Variants in EPM2A observed in about 807,000 individuals in gnomAD.
EPM2A encodes EPM2A glucan phosphatase, laforin, also known as laforin.
Under a neutral mutation model 26.5 loss-of-function variants are expected in EPM2A, and 21 were observed. The ratio of observed to expected loss-of-function variants is 0.79; its 90% CI spans 0.56 to 1.14. EPM2A has a LOEUF of 1.14. Ranked by LOEUF, EPM2A falls within the 50% of genes most tolerant of loss-of-function variation. The probability of loss-of-function intolerance (pLI) is 0.00; values close to 1 mark genes in which losing one functional copy is unlikely to be tolerated. For missense variants in EPM2A, 458 were observed against 440.8 expected, an observed-to-expected ratio of 1.04 and a Z score of -0.35; for synonymous variants, 217 against 177.6, an observed-to-expected ratio of 1.22 and a Z score of -1.76.
intron 4 of EPM2A, among the ~76,000 whole-genome samples, chr6:145,444,782 T>G (rs573724234): frequency 6.6e-6 from 1 of 152,244 alleles, no homozygotes; most frequent in African/African-American, 2.4e-5. Flanking sequence ...ATTGGACATT[T>G]TGAATTATAA....
At chr6:145,540,815 G>A (rs1412334878) in intron 2 of EPM2A, among the ~76,000 whole-genome samples, 1 of 152,070 alleles carries the variant, frequency 6.6e-6, no homozygotes, top group Admixed American at 6.6e-5. Flanking sequence ...TTACTTAGAG[G>A]ACAGGTGTAT....
At position 145,393,613 on chromosome 6, in the gene EPM2A, G is replaced by A. The variant is rs187692850; in HGVS notation, c.556-9516C>T. 4.6e-5 allele frequency among the ~76,000 whole-genome samples: 7 copies of A among 151,962 alleles called. No homozygotes were observed. In the East Asian group the frequency reaches 7.7e-4, roughly 17 times the overall value. On this transcript the variant is annotated intron_variant, in intron 4 of 4. Transcript: ENST00000638717. The stretch of plus-strand genomic sequence containing the variant: ...TTGATCTTCAAATTAATAATCAAAC[G>A]GTCTGAACTCAAATAGATACTGGGG...
At chr6:145,702,174 T>C (rs1386992572) in intron 1 of EPM2A, among the ~76,000 whole-genome samples, 2 of 152,224 alleles carry the variant, frequency 1.3e-5, no homozygotes, top group East Asian at 3.8e-4. Context: ...ATATGGCATC[T>C]GCACTCAATG....
At chr6:145,555,662 T>A (rs746912980) in intron 2 of EPM2A, among the ~76,000 whole-genome samples, 2 of 152,120 alleles carry the variant, frequency 1.3e-5, no homozygotes, top group Non-Finnish European at 2.9e-5. Flanking sequence ...CACACGCATA[T>A]GCACATACTT....
chr6:145,643,739 A>T (rs1346727277), intron 2 of EPM2A, among the ~76,000 whole-genome samples: 1 of 152,134 alleles, frequency 6.6e-6, no homozygotes, highest in Non-Finnish European at 1.5e-5. Context: ...TTTAATGTTA[A>T]TGTCTTCTTC....
chr6:145,529,813 T>C (rs770960982), intron 2 of EPM2A, among the ~76,000 whole-genome samples: 6 of 152,146 alleles, frequency 3.9e-5, no homozygotes, highest in Non-Finnish European at 8.8e-5. Flanking sequence ...TAACTTCCTT[T>C]CCCGGTAACC....
chr6:145,557,667 G>A (rs1347699065), intron 2 of EPM2A, among the ~76,000 whole-genome samples: 3 of 152,004 alleles, frequency 2.0e-5, no homozygotes, highest in Non-Finnish European at 4.4e-5. Flanking sequence ...TTTGAAATAT[G>A]TATACATTGC....
chr6:145,707,553 C>T (rs532972467), intron 1 of EPM2A, among the ~76,000 whole-genome samples: 4 of 152,140 alleles, frequency 2.6e-5, no homozygotes, highest in South Asian at 2.1e-4. Flanking sequence ...GTGCTATTTT[C>T]GTGATAGTGA....
At chr6:145,645,058 C>T (rs1165912524) in intron 2 of EPM2A, among the ~76,000 whole-genome samples, 6 of 152,188 alleles carry the variant, frequency 3.9e-5, no homozygotes, top group Non-Finnish European at 8.8e-5. Flanking sequence ...CAACTCTAAT[C>T]GTCATGAGTG....
chr6:145,406,014 A>ACAC (rs1554233749), intron 4 of EPM2A, among the ~76,000 whole-genome samples: 5 of 126,138 alleles, frequency 4.0e-5, no homozygotes, highest in Non-Finnish European at 9.5e-5. Context: ...ACACACACAC[A>ACAC]ACAGACAGAC....
At chr6:145,670,110 T>G (rs1779536167) in intron 2 of EPM2A, among the ~76,000 whole-genome samples, 1 of 152,134 alleles carries the variant, frequency 6.6e-6, no homozygotes, top group Non-Finnish European at 1.5e-5. Context: ...TTCTCTCCTT[T>G]CTCTTCTTAA....
intron 1 of EPM2A, among the ~76,000 whole-genome samples, chr6:145,734,295 T>C (rs144159808): frequency 6.6e-6 from 1 of 152,230 alleles, no homozygotes; most frequent in African/African-American, 2.4e-5. Flanking sequence ...GTGAAAGATG[T>C]CCCTAACATA....
chr6:145,512,184 T>C (rs138403677), intron 2 of EPM2A, among the ~76,000 whole-genome samples: 253 of 152,220 alleles, frequency 1.7e-3, no homozygotes, highest in Admixed American at 2.4e-3. Context: ...AATGACCATA[T>C]TGCCCAAAGT....
At chr6:145,536,664 C>T (rs1780436748) in intron 2 of EPM2A, among the ~76,000 whole-genome samples, 1 of 152,162 alleles carries the variant, frequency 6.6e-6, no homozygotes, top group Non-Finnish European at 1.5e-5. Context: ...ATGAAGCAGA[C>T]ACATTGGCCA....
At chr6:145,635,928 A>C (rs6570704) in intron 2 of EPM2A, 11,645 of 205,912 alleles carry the variant, frequency 0.057, 1,446 homozygotes, top group African/African-American at 0.25. Context: ...AATATTTCAA[A>C]TAGTATGAGA....
chr6:145,534,408 C>T (rs17797750), intron 2 of EPM2A, among the ~76,000 whole-genome samples: 12,192 of 152,182 alleles, frequency 0.08, 571 homozygotes, highest in East Asian at 0.17. Context: ...CTAAAGAAAA[C>T]CATACCCATT....
chr6:145,668,501 A>G (rs1343435312), intron 2 of EPM2A, among the ~76,000 whole-genome samples: 1 of 152,164 alleles, frequency 6.6e-6, no homozygotes, highest in Non-Finnish European at 1.5e-5. Flanking sequence ...AATAGGCACG[A>G]TTTTTTTGGC....
chr6:145,638,704 G>C (rs954137577), intron 2 of EPM2A: 1 of 152,124 alleles, frequency 6.6e-6, no homozygotes, highest in East Asian at 1.9e-4. Flanking sequence ...GTTATAAAGT[G>C]ATTTGTACTG....
intron 4 of EPM2A, among the ~76,000 whole-genome samples, chr6:145,484,876 C>G (rs1554242572): frequency 6.6e-6 from 1 of 151,180 alleles, no homozygotes; most frequent in Non-Finnish European, 1.5e-5. Flanking sequence ...CTAAGGCAGT[C>G]CACTTCATAT....
Sources: allele counts gnomAD v4.1 joint callset (sites outside exome capture counted in the v4.1 genomes callset), GRCh38; gene constraint gnomAD v4.1.1; transcripts MANE v1.5; gene names NCBI Gene and HGNC (gene_info 2026-07-23, HGNC 2026-07-21).